DRC8: variants seen among roughly 807,000 people sequenced by gnomAD.
DRC8 encodes dynein regulatory complex protein 8.
the DRC8 span, among the ~76,000 whole-genome samples, chr1:245,113,090 T>A: frequency 0.02 from 3,020 of 152,294 alleles, 113 homozygotes; most frequent in East Asian, 0.14. Flanking sequence ...TACAGTAGTA[T>A]CTTATATTTT....
the DRC8 span, among the ~76,000 whole-genome samples, chr1:245,047,488 A>C: frequency 6.6e-6 from 1 of 151,974 alleles, no homozygotes; most frequent in African/African-American, 2.4e-5. Context: ...TACAAAACTT[A>C]GCCAGGCGTG....
the DRC8 span, among the ~76,000 whole-genome samples, chr1:245,032,083 G>C: frequency 6.6e-6 from 1 of 152,136 alleles, no homozygotes; most frequent in Non-Finnish European, 1.5e-5. Flanking sequence ...CTATATCACA[G>C]ATAGAAGAAG....
chr1:245,026,470 C>T, the DRC8 span, among the ~76,000 whole-genome samples: 1 of 152,088 alleles, frequency 6.6e-6, no homozygotes, highest in Non-Finnish European at 1.5e-5. Flanking sequence ...AAAGTGTGAG[C>T]AATGTGGAGA....
the DRC8 span, among the ~76,000 whole-genome samples, chr1:245,086,013 C>A: frequency 6.6e-6 from 1 of 152,162 alleles, no homozygotes; most frequent in African/African-American, 2.4e-5. Flanking sequence ...CAGAACAGAC[C>A]GCAGTGTATA....
chr1:245,047,800 C>T, the DRC8 span, among the ~76,000 whole-genome samples: 2,224 of 151,910 alleles, frequency 0.015, 52 homozygotes, highest in African/African-American at 0.049. Context: ...GGTGAAACCT[C>T]GTCTCTACTA....
the DRC8 span, among the ~76,000 whole-genome samples, chr1:245,013,946 C>A: frequency 7.0e-6 from 1 of 143,696 alleles, no homozygotes; most frequent in African/African-American, 2.6e-5. Flanking sequence ...GCAGGAAAAT[C>A]TCTTGAGCCT....
chr1:244,982,806 C>T, the DRC8 span, among the ~76,000 whole-genome samples: 13,927 of 151,126 alleles, frequency 0.092, 801 homozygotes, highest in East Asian at 0.25. Flanking sequence ...ATGGGCTGAG[C>T]GGGCCCAGCA....
the DRC8 span, chr1:245,087,162 T>G: frequency 6.5e-7 from 1 of 1,541,988 alleles, no homozygotes; most frequent in Admixed American, 2.3e-5. Flanking sequence ...CTTGTGGGGC[T>G]CCATGGCTAT....
the DRC8 span, among the ~76,000 whole-genome samples, chr1:245,053,900 A>G: frequency 6.6e-6 from 1 of 152,134 alleles, no homozygotes; most frequent in Admixed American, 6.5e-5. Context: ...TGCAGGCGGC[A>G]GGACCTAGGA....
At chr1:245,094,062 G>A in the DRC8 span, among the ~76,000 whole-genome samples, 1 of 152,118 alleles carries the variant, frequency 6.6e-6, no homozygotes, top group Admixed American at 6.5e-5. Context: ...TGTCTTGCTG[G>A]CTGGTAACCA....
the DRC8 span, among the ~76,000 whole-genome samples, chr1:244,998,733 T>C: frequency 6.6e-6 from 1 of 152,192 alleles, no homozygotes; most frequent in Non-Finnish European, 1.5e-5. Flanking sequence ...CCCAGCAGCA[T>C]ATACCCCAGC....
chr1:244,979,701 C>G, the DRC8 span, among the ~76,000 whole-genome samples: 3 of 151,994 alleles, frequency 2.0e-5, no homozygotes, highest in South Asian at 6.2e-4. Context: ...CTTGGCCTCC[C>G]AAAGTGTTGG....
At chr1:245,009,607 A>G in the DRC8 span, among the ~76,000 whole-genome samples, 1 of 151,410 alleles carries the variant, frequency 6.6e-6, no homozygotes, top group African/African-American at 2.4e-5. Context: ...AGCTGGGACT[A>G]CAGGCGCCCG....
the DRC8 span, among the ~76,000 whole-genome samples, chr1:245,052,314 A>G: frequency 6.6e-6 from 1 of 152,184 alleles, no homozygotes; most frequent in African/African-American, 2.4e-5. Context: ...GTTCAGGATT[A>G]TGGACTAACA....
At chr1:245,026,236 GA>G in the DRC8 span, among the ~76,000 whole-genome samples, 5 of 152,116 alleles carry the variant, frequency 3.3e-5, no homozygotes, top group East Asian at 9.6e-4. Context: ...TACTGATAGG[GA>G]GACTTCAGCT....
the DRC8 span, among the ~76,000 whole-genome samples, chr1:245,102,645 C>T: frequency 6.6e-6 from 1 of 151,950 alleles, no homozygotes; most frequent in Non-Finnish European, 1.5e-5. Flanking sequence ...CCACTGCACC[C>T]GGCCACTTTT....
the DRC8 span, among the ~76,000 whole-genome samples, chr1:245,015,884 C>T: frequency 2.0e-5 from 3 of 150,562 alleles, no homozygotes; most frequent in East Asian, 5.9e-4. Flanking sequence ...GACCGCATCA[C>T]TGTGCTGCCT....
chr1:245,082,214 T>C, the DRC8 span: 1 of 1,482,638 alleles, frequency 6.7e-7, no homozygotes, highest in East Asian at 2.3e-5. Context: ...GAATTATGAA[T>C]CCATTCATTT....
the DRC8 span, chr1:245,087,839 AT>A: frequency 2.7e-5 from 20 of 729,788 alleles, no homozygotes; most frequent in East Asian, 1.3e-4. Context: ...TTACTAATTT[AT>A]TTTTTTATGA....
Sources: gnomAD v4.1 joint callset for allele counts (sites outside exome capture counted in the v4.1 genomes callset) on GRCh38, gnomAD v4.1.1 for gene constraint, MANE v1.5 for transcripts, NCBI Gene and HGNC (gene_info 2026-07-23, HGNC 2026-07-21) for gene names.